The following MAPKAP1 variants were observed in gnomAD, a reference collection of about 807,000 sequenced individuals.
MAPKAP1 encodes MAPK associated protein 1.
MAPKAP1 carries 20 observed loss-of-function variants against 65.7 expected under a neutral mutation model. The observed-to-expected ratio is 0.30, with a 90% CI of 0.21 to 0.44. MAPKAP1 has a LOEUF of 0.44. Ranked by LOEUF, MAPKAP1 falls within the 20% of genes least tolerant of loss-of-function variation. MAPKAP1 has a pLI of 1.00. For missense variants in MAPKAP1, 423 were observed against 648.0 expected (o/e 0.65, Z 3.77); for synonymous variants, 222 against 244.3 (o/e 0.91, Z 0.85).
chr9:125,653,510 CAT>C (rs766427058), intron 4 of MAPKAP1, among the ~76,000 whole-genome samples: 82 of 152,294 alleles, frequency 5.4e-4, no homozygotes, highest in Non-Finnish European at 9.8e-4. Flanking sequence ...ACATGTCTCA[CAT>C]GAGGGCCTTG....
chr9:125,595,639 G>T lies in MAPKAP1; in HGVS notation c.499-9912C>A. The T allele has an allele frequency of 1.2e-5, 18 of 1,455,648 alleles. No homozygotes were observed. Among genetic ancestry groups the T allele is most frequent in the Non-Finnish European group, 1.4e-5 (16 of 1,107,852 alleles). The allele number at this position is 1,455,648 out of a possible 1,614,324, so 90.2% of individuals were successfully genotyped here. On this transcript the variant is annotated intron_variant, in intron 4 of 11. Transcript: ENST00000265960. This position sits in a 1 kb window ranked among gnomAD's most constrained non-coding sequence, Gnocchi z 4.0. ...TTCTGCCTGTGGACACGCCAAGGAA[G>T]CATCGTTAAAGTCTCTCTTCTCCCT... is the stretch of plus-strand genomic sequence containing the variant.
rs1265304104 is a variant in MAPKAP1, at chr9:125,619,790, G to A, written c.499-34063C>T. ...TATAGAGGCAAAAAATGTATATTTC[G>A]CTACAATAAAAAAAAAATTAGTGCA... On this transcript the variant is annotated intron_variant, in intron 4 of 11. Transcript: ENST00000265960. Among the ~76,000 whole-genome samples, 2 of 151,088 alleles carry A rather than the reference G, an allele frequency of 1.3e-5. 1 individual carries two copies. Among genetic ancestry groups the A allele is most frequent in the South Asian group, 4.2e-4 (2 of 4,810 alleles).
chr9:125,508,995 C>A (rs1261723861), intron 7 of MAPKAP1, among the ~76,000 whole-genome samples: 5 of 151,798 alleles, frequency 3.3e-5, no homozygotes, highest in Non-Finnish European at 7.4e-5. Flanking sequence ...TTTATGAAAG[C>A]AGCAAATTAC....
chr9:125,459,923 C>T (rs1335721121), intron 10 of MAPKAP1, among the ~76,000 whole-genome samples: 1 of 151,406 alleles, frequency 6.6e-6, no homozygotes, highest in African/African-American at 2.4e-5. Context: ...TTTAATGAAA[C>T]TATGGCTTAC....
chr9:125,651,552 G>A (rs1275497511), intron 4 of MAPKAP1, among the ~76,000 whole-genome samples: 1 of 152,202 alleles, frequency 6.6e-6, no homozygotes. Flanking sequence ...GCTGCAGTGA[G>A]CTGAGATGGT....
At chr9:125,575,264 A>C (rs1266945589) in intron 5 of MAPKAP1, among the ~76,000 whole-genome samples, 1 of 152,168 alleles carries the variant, frequency 6.6e-6, no homozygotes, top group Non-Finnish European at 1.5e-5. Context: ...TGGGAGGCAA[A>C]GGTGGGAGGA....
intron 7 of MAPKAP1, among the ~76,000 whole-genome samples, chr9:125,525,285 C>T (rs141193774): frequency 9.2e-5 from 14 of 152,270 alleles, no homozygotes; most frequent in African/African-American, 2.6e-4. Context: ...TTAATTCTCA[C>T]AATAATGCTA....
intron 4 of MAPKAP1, among the ~76,000 whole-genome samples, chr9:125,644,166 G>C (rs1205765729): frequency 6.6e-6 from 1 of 152,144 alleles, no homozygotes; most frequent in Non-Finnish European, 1.5e-5. Flanking sequence ...TAGGTTTCAG[G>C]AGAAAAATAG....
chr9:125,694,360 T>A (rs17259739), intron 1 of MAPKAP1, among the ~76,000 whole-genome samples: 1 of 151,392 alleles, frequency 6.6e-6, no homozygotes, highest in African/African-American at 2.4e-5. Flanking sequence ...AAATTACGGC[T>A]ATAAAACAAA....
Position 125,672,399 on chromosome 9 carries a change from C to T in MAPKAP1, c.176G>A (p.Gly59Asp). The change falls in exon 2 of 12, where the codon GGT becomes GAT. Residue 59 changes from glycine to aspartate, a missense_variant. Gly to Asp is a moderately conservative substitution (Grantham distance 94). Coordinates refer to ENST00000265960, the MANE Select transcript of MAPKAP1 (RefSeq NM_001006617.3). The stretch of plus-strand genomic sequence containing the variant: ...GGCATATACATAGCCCTGAGTCTCA[C>T]CATTGCTTCCCTGAATTTCTGACCC... ...DSGSEIQGSN[G>D]ETQGYVYAQS... 2 of 1,614,194 alleles carry T rather than the reference C, an allele frequency of 1.2e-6. No individual in the cohort carries two copies. Among genetic ancestry groups the T allele is most frequent in the South Asian group, 2.2e-5 (2 of 91,084 alleles).
In MAPKAP1 at chr9:125,676,641, C is replaced by T. The variant is rs181328199; in HGVS notation, c.-69-3998G>A. Among the ~76,000 whole-genome samples the T allele has an allele frequency of 3.3e-5, 5 of 152,236 alleles. No homozygotes were observed. In the South Asian group the frequency reaches 8.3e-4, roughly 25 times the overall value. On this transcript the variant is annotated intron_variant, in intron 1 of 11. Coordinates refer to ENST00000265960, the MANE Select transcript of MAPKAP1 (RefSeq NM_001006617.3). ...GTAGTAATGGGGAAAAAGTATTTAA[C>T]GGGTACATTTCAGTTTGGGAAGATG...
chr9:125,693,550 TATACACAC>T (rs1564619904), intron 1 of MAPKAP1, among the ~76,000 whole-genome samples: 1 of 137,366 alleles, frequency 7.3e-6, no homozygotes, highest in African/African-American at 2.8e-5. Context: ...CATATATACA[TATACACAC>T]ACATATATAC....
At chr9:125,558,866 A>T (rs1398798465) in intron 6 of MAPKAP1, among the ~76,000 whole-genome samples, 1 of 152,248 alleles carries the variant, frequency 6.6e-6, no homozygotes, top group Non-Finnish European at 1.5e-5. Context: ...GTGTAGGCAA[A>T]CAATCACAGC....
At chr9:125,699,698 T>A (rs1163978873) in intron 1 of MAPKAP1, among the ~76,000 whole-genome samples, 1 of 151,560 alleles carries the variant, frequency 6.6e-6, no homozygotes, top group East Asian at 1.9e-4. Flanking sequence ...AGTGGTGTGA[T>A]CATGGCTCAC....
Position 125,469,996 on chromosome 9 carries a change from G to A in MAPKAP1, c.1208-1887C>T, listed in dbSNP as rs76133952. Among the ~76,000 whole-genome samples, 746 of 152,128 alleles carry A rather than the reference G, an allele frequency of 4.9e-3. 5 individuals carry two copies. The highest frequency in any genetic ancestry group is 0.017 in the African/African-American group (703 of 41,482). The stretch of plus-strand genomic sequence containing the variant: ...ACATTTATAAAAGTCAAAATGAGCC[G>A]AGCAGAATAAACATGCATATCTCTT... On this transcript the variant is annotated intron_variant, in intron 9 of 11. Transcript: ENST00000265960.
At chr9:125,585,479 C>A in intron 5 of MAPKAP1, 76 bp downstream of exon 5, 1 of 1,515,500 alleles carries the variant, frequency 6.6e-7, no homozygotes, top group East Asian at 2.3e-5. Flanking sequence ...CCTAGAAAGA[C>A]TAACCAGCCT....
chr9:125,438,402 G>C lies in MAPKAP1; in HGVS notation c.*485C>G, dbSNP rs905424199. 1 of 398,994 alleles carries C rather than the reference G, an allele frequency of 2.5e-6. No homozygotes were observed. Among genetic ancestry groups the C allele is most frequent in the African/African-American group, 2.1e-5 (1 of 48,608 alleles). The allele number at this position is 398,994 out of a possible 1,614,324, so 24.7% of individuals were successfully genotyped here. On this transcript the variant is annotated 3_prime_UTR_variant, in exon 12 of 12. Transcript: ENST00000265960. ...TTTCCAATCTGCCTGTTCAATATGGGAACAGATTTTAAAGAGAGTAACATA... is the reference window on the plus strand; with the variant it reads ...TTTCCAATCTGCCTGTTCAATATGGCAACAGATTTTAAAGAGAGTAACATA...
At chr9:125,528,902 C>T (rs1007126061) in intron 7 of MAPKAP1, among the ~76,000 whole-genome samples, 28 of 147,610 alleles carry the variant, frequency 1.9e-4, no homozygotes, top group Admixed American at 2.0e-4. Flanking sequence ...CAGTGGCTCA[C>T]GCCTGTGATC....
At chr9:125,505,153 C>T (rs910719347) in intron 8 of MAPKAP1, among the ~76,000 whole-genome samples, 5 of 152,168 alleles carry the variant, frequency 3.3e-5, no homozygotes, top group Admixed American at 6.5e-5. Context: ...TTTGAACCGC[C>T]GGGCGCGGTG....
Sources: allele counts gnomAD v4.1 joint callset (sites outside exome capture counted in the v4.1 genomes callset), GRCh38; gene constraint gnomAD v4.1.1; non-coding constraint Gnocchi (gnomAD v3.1); transcripts MANE v1.5; gene names NCBI Gene and HGNC (gene_info 2026-07-23, HGNC 2026-07-21).